The following ARHGAP20 variants were observed in gnomAD, a reference collection of about 807,000 sequenced individuals.
The protein encoded by ARHGAP20 is rho GTPase-activating protein 20.
A neutral mutation model predicts 73.7 loss-of-function variants in ARHGAP20; 34 were observed. That is an observed-to-expected ratio of 0.46 (90% CI 0.35 to 0.61). The LOEUF (loss-of-function observed/expected upper bound fraction) is 0.61. Ranked by LOEUF, ARHGAP20 falls within the 20% of genes least tolerant of loss-of-function variation. The pLI is 0.00. For missense variants in ARHGAP20, 1,314 were observed against 1,420.9 expected (o/e 0.92, Z 1.21); for synonymous variants, 523 against 518.2 (o/e 1.01, Z -0.13).
At chr11:110,688,169 G>A (rs918729063) in intron 2 of ARHGAP20, among the ~76,000 whole-genome samples, 5 of 152,094 alleles carry the variant, frequency 3.3e-5, no homozygotes, top group Admixed American at 2.0e-4. Flanking sequence ...GATATTCTGT[G>A]CTTTCCATGA....
chr11:110,678,070 A>G (rs1427796685), intron 2 of ARHGAP20, among the ~76,000 whole-genome samples: 2 of 152,234 alleles, frequency 1.3e-5, no homozygotes, highest in Non-Finnish European at 2.9e-5. Context: ...ACATGGATGA[A>G]CCTTGAAAAC....
At chr11:110,618,642 G>A (rs1044423711) in intron 4 of ARHGAP20, among the ~76,000 whole-genome samples, 17 of 149,812 alleles carry the variant, frequency 1.1e-4, no homozygotes, top group East Asian at 1.9e-4. Flanking sequence ...CAGTGATAGC[G>A]TATATGCAGT....
chr11:110,688,581 C>A (rs1378929521), intron 2 of ARHGAP20, among the ~76,000 whole-genome samples: 2 of 152,044 alleles, frequency 1.3e-5, no homozygotes, highest in Admixed American at 6.6e-5. Flanking sequence ...CTGATTAATT[C>A]TGTTTCCTCT....
At chr11:110,682,233 T>G (rs1357463100) in intron 2 of ARHGAP20, among the ~76,000 whole-genome samples, 1 of 152,212 alleles carries the variant, frequency 6.6e-6, no homozygotes, top group Non-Finnish European at 1.5e-5. Flanking sequence ...TACTTCCTTC[T>G]GCTGTTACTA....
At position 110,586,260 on chromosome 11, in the gene ARHGAP20, T is replaced by A. The variant is rs1187397521; in HGVS notation, c.1371A>T (p.Val457=). The A allele has an allele frequency of 6.3e-7, 1 of 1,576,678 alleles. No homozygotes were observed. Among genetic ancestry groups the A allele is most frequent in the Non-Finnish European group, 8.6e-7 (1 of 1,160,708 alleles). The change falls in exon 12 of 15, where the codon GTA becomes GTT. Residue 457 remains valine (V), a synonymous_variant. Transcript: ENST00000683387. Reference sequence around the variant, plus strand: ...TCTCTTCATCATTTCCTTGATCCATTACAGAGACCCAGTGATCATAGAGAT... The same window carrying A: ...TCTCTTCATCATTTCCTTGATCCATAACAGAGACCCAGTGATCATAGAGAT... The part of the protein sequence containing the change: ...SSDLYDHWVS[V]MDQGNDEEKI...
At chr11:110,639,245 C>T (rs1418763045) in intron 2 of ARHGAP20, among the ~76,000 whole-genome samples, 1 of 150,474 alleles carries the variant, frequency 6.6e-6, no homozygotes, top group African/African-American at 2.5e-5. Flanking sequence ...GATACCCCCC[C>T]CCCACAAGAG....
chr11:110,581,307 C>T (rs1947462311), intron 14 of ARHGAP20, 82 bp from the exon 15 acceptor site: 1 of 1,343,776 alleles, frequency 7.4e-7, no homozygotes, highest in Admixed American at 2.7e-5. Flanking sequence ...ATTCTCTTTT[C>T]ATGTGAAGTG....
intron 4 of ARHGAP20, among the ~76,000 whole-genome samples, chr11:110,621,127 C>T (rs991557202): frequency 1.3e-4 from 18 of 137,536 alleles, no homozygotes; most frequent in African/African-American, 4.7e-4. Context: ...TCCATAGTTT[C>T]TAATGAAAGG....
intron 2 of ARHGAP20, among the ~76,000 whole-genome samples, chr11:110,633,300 T>C (rs781566300): frequency 7.2e-5 from 11 of 152,196 alleles, no homozygotes; most frequent in East Asian, 1.9e-4. Context: ...CCTTCCTCAA[T>C]GGATTGCTTT....
chr11:110,675,675 C>T (rs137995909), intron 2 of ARHGAP20, among the ~76,000 whole-genome samples: 354 of 152,252 alleles, frequency 2.3e-3, no homozygotes, highest in Admixed American at 5.6e-3. Flanking sequence ...CTGCCACTCA[C>T]CTCCTGCTGT....
chr11:110,596,812 A>C (rs1420488547), intron 9 of ARHGAP20, among the ~76,000 whole-genome samples: 2 of 152,178 alleles, frequency 1.3e-5, no homozygotes, highest in African/African-American at 4.8e-5. Flanking sequence ...AAGGATTATA[A>C]ATCATGCTGC....
intron 11 of ARHGAP20, chr11:110,589,326 G>T: frequency 1.1e-6 from 1 of 918,592 alleles, no homozygotes; most frequent in Non-Finnish European, 1.3e-6. Flanking sequence ...ATATCTAATT[G>T]CAAAAATTTA....
chr11:110,611,221 G>C, intron 7 of ARHGAP20, 88 bp downstream of exon 7: 1 of 794,864 alleles, frequency 1.3e-6, no homozygotes, highest in Non-Finnish European at 1.9e-6. Flanking sequence ...CTAATAATCA[G>C]CTGTCTTATG....
At chr11:110,611,029 T>C (rs946498576) in intron 7 of ARHGAP20, among the ~76,000 whole-genome samples, 2 of 152,122 alleles carry the variant, frequency 1.3e-5, no homozygotes, top group African/African-American at 2.4e-5. Context: ...AATTTTTGTA[T>C]ATATATACAG....
At chr11:110,618,537 A>G (rs190986515) in intron 4 of ARHGAP20, among the ~76,000 whole-genome samples, 1 of 152,306 alleles carries the variant, frequency 6.6e-6, no homozygotes, top group Non-Finnish European at 1.5e-5. Flanking sequence ...CTGGTGAATC[A>G]GAGTATATGT....
rs569747425 is a variant in ARHGAP20, at chr11:110,579,236, G to A, written c.*134C>T. On this transcript the variant is annotated 3_prime_UTR_variant, in exon 15 of 15. Transcript: ENST00000683387. ...TAGTCTCAATAAAGAGAATTATTTC[G>A]TTGTCCTAAGTATTAGCAATGATAA... 132 of 1,368,616 alleles carry A rather than the reference G, an allele frequency of 9.6e-5. No homozygotes were observed. Among genetic ancestry groups the A allele is most frequent in the South Asian group, 1.5e-4 (7 of 45,872 alleles). 84.8% of individuals were successfully genotyped at this position (1,368,616 alleles called of 1,614,324 possible). A position where few individuals can be genotyped will look rare whatever the true frequency, so the allele number is the denominator to read the frequency against.
At chr11:110,662,090 G>GA (rs1168722078) in intron 2 of ARHGAP20, among the ~76,000 whole-genome samples, 1 of 151,684 alleles carries the variant, frequency 6.6e-6, no homozygotes, top group African/African-American at 2.4e-5. Context: ...ATCATTATGT[G>GA]AAAAAATAGG....
chr11:110,640,012 T>C (rs1415907390), intron 2 of ARHGAP20, among the ~76,000 whole-genome samples: 1 of 152,008 alleles, frequency 6.6e-6, no homozygotes, highest in Non-Finnish European at 1.5e-5. Flanking sequence ...GCCAAACTGT[T>C]TCCCACCATG....
In ARHGAP20 at chr11:110,624,387, T is replaced by A; in HGVS notation, c.354-76A>T. 6 of 1,247,446 alleles carry A rather than the reference T, an allele frequency of 4.8e-6. No homozygotes were observed. In the South Asian group the frequency reaches 8.1e-5, roughly 17 times the overall value. The allele number at this position is 1,247,446 out of a possible 1,614,324, so 77.3% of individuals were successfully genotyped here. Reference sequence around the variant, plus strand: ...TTTATGGGAGCTTCTCTGGAAGGCATCATCCTCAGCAAACTAACACAGGTA... The same window carrying A: ...TTTATGGGAGCTTCTCTGGAAGGCAACATCCTCAGCAAACTAACACAGGTA... On this transcript the variant is annotated intron_variant, in intron 3 of 14. Coordinates refer to ENST00000683387, the MANE Select transcript of ARHGAP20 (RefSeq NM_001384657.1).
Sources: allele counts gnomAD v4.1 joint callset (sites outside exome capture counted in the v4.1 genomes callset), GRCh38; gene constraint gnomAD v4.1.1; transcripts MANE v1.5; gene names NCBI Gene and HGNC (gene_info 2026-07-23, HGNC 2026-07-21).